The following COG4 variants were observed in gnomAD, a reference collection of about 807,000 sequenced individuals.
COG4 encodes the protein conserved oligomeric Golgi complex subunit 4.
Under a neutral mutation model 95.1 loss-of-function variants are expected in COG4, and 65 were observed. The ratio of observed to expected loss-of-function variants is 0.68; its 90% confidence interval spans 0.56 to 0.84. The LOEUF is 0.84. COG4 is among the 40% of genes least tolerant of loss of function. COG4 has a pLI of 0.00. For missense variants in COG4, 1,045 were observed against 989.1 expected, an observed-to-expected ratio of 1.06 and a Z score of -0.76; for synonymous variants, 421 against 374.8, an observed-to-expected ratio of 1.12 and a Z score of -1.42.
intron 9 of COG4, 145 bp from the exon 10 acceptor site, chr16:70,498,200 T>A: frequency 1.5e-6 from 1 of 652,734 alleles, no homozygotes; most frequent in Non-Finnish European, 2.8e-6. Context: ...CAGATAGCAA[T>A]TTTGAATTCT....
chr16:70,509,776 A>T, intron 6 of COG4, 140 bp downstream of exon 6: 1 of 723,650 alleles, frequency 1.4e-6, no homozygotes, highest in Non-Finnish European at 2.4e-6. Flanking sequence ...TCTGGAAGTT[A>T]TTTAATTCTC....
In COG4 at chr16:70,514,336, C is replaced by T. The variant is rs764006022; in HGVS notation, c.543G>A (p.Glu181=). The part of the protein sequence containing the change: ...SVIELSRQGK[E]GSMIDANLKL... The stretch of plus-strand genomic sequence containing the variant: ...AAACCAACAGTTTCGGATGCTGACC[C>T]TCTTTGCCCTGTCGGCTGAGCTCAA... The change falls in exon 4 of 19, where the codon GAG becomes GAA. Residue 181 remains glutamate (E), a splice_region_variant and synonymous_variant. Coordinates refer to ENST00000323786, the MANE Select transcript of COG4 (RefSeq NM_015386.3). 6.2e-6 allele frequency: 10 copies of T among 1,614,050 alleles called. No individual in the cohort carries two copies. Among genetic ancestry groups the T allele is most frequent in the Admixed American group, 3.3e-5 (2 of 60,004 alleles).
chr16:70,486,909 C>T (rs1280496939), intron 13 of COG4, among the ~76,000 whole-genome samples: 4 of 151,862 alleles, frequency 2.6e-5, no homozygotes, highest in East Asian at 1.9e-4. Flanking sequence ...GCAGGAGAAT[C>T]GCTTGAATCC....
intron 10 of COG4, 23 bp downstream of exon 10, chr16:70,497,914 A>T: frequency 7.2e-7 from 1 of 1,391,184 alleles, no homozygotes; most frequent in Non-Finnish European, 1.0e-6. Context: ...CCCCATTTCC[A>T]AGAGATGCGT....
intron 16 of COG4, 97 bp from the exon 17 acceptor site, chr16:70,481,962 G>A (rs1277785696): frequency 7.4e-7 from 1 of 1,356,718 alleles, no homozygotes; most frequent in Non-Finnish European, 1.0e-6. Flanking sequence ...GAGGCCACGG[G>A]GGAGTTTCTA....
intron 13 of COG4, among the ~76,000 whole-genome samples, chr16:70,485,897 C>CTT (rs5817701): frequency 2.1e-4 from 30 of 143,208 alleles, no homozygotes; most frequent in South Asian, 4.4e-4. Flanking sequence ...GAATGCCTGT[C>CTT]TTTTTTTTTT....
intron 1 of COG4, among the ~76,000 whole-genome samples, chr16:70,521,441 C>T (rs931997191): frequency 3.3e-5 from 5 of 152,026 alleles, no homozygotes; most frequent in African/African-American, 1.2e-4. Context: ...AGGTTGGTCT[C>T]GAACTCCTGA....
intron 13 of COG4, among the ~76,000 whole-genome samples, chr16:70,485,479 C>A (rs1194774275): frequency 6.6e-6 from 1 of 151,490 alleles, no homozygotes; most frequent in East Asian, 1.9e-4. Context: ...GCTGGATTTA[C>A]AGGTGTGAGC....
At chr16:70,481,254 A>G (rs2048985119) in intron 18 of COG4, 105 bp downstream of exon 18, 5 of 1,607,436 alleles carry the variant, frequency 3.1e-6, no homozygotes, top group African/African-American at 2.7e-5. Flanking sequence ...AAGGTGTCCT[A>G]TAGAGCTGGC....
At chr16:70,506,628 A>AAAAAAAAT (rs2049582396) in intron 8 of COG4, among the ~76,000 whole-genome samples, 2 of 135,700 alleles carry the variant, frequency 1.5e-5, no homozygotes, top group Non-Finnish European at 3.1e-5. Context: ...CAAAAAAAAA[A>AAAAAAAAT]ACATTTAGCT....
Position 70,517,619 on chromosome 16 carries a change from G to GTT in COG4, c.369+6_369+7insAA. 1.3e-6 allele frequency: 1 copy of GTT among 741,250 alleles called. No individual in the cohort carries two copies. The highest frequency in any genetic ancestry group is 2.3e-6 in the Non-Finnish European group (1 of 428,674). The allele number at this position is 741,250 out of a possible 1,614,324, so 45.9% of individuals were successfully genotyped here. ...AAAAAAAAAAAAAAAAAAGCTTGAT[G>GTT]TATTACCTTGGCCAGGTCAAGCTGA... On this transcript the variant is annotated splice_region_variant and intron_variant, in intron 3 of 18. Transcript: ENST00000323786.
Position 70,480,997 on chromosome 16 carries a change from C to G in COG4, c.*13G>C. The G allele has an allele frequency of 6.2e-7, 1 of 1,611,570 alleles. No homozygotes were observed. The highest frequency in any genetic ancestry group is 8.5e-7 in the Non-Finnish European group (1 of 1,179,984). ...CTGCAAGTGTGATGAGCCAGGTGTG[C>G]TCATCCAGGCAGCTACAGGCGCAGC... On this transcript the variant is annotated 3_prime_UTR_variant, in exon 19 of 19. Transcript: ENST00000323786.
At chr16:70,511,371 A>C (rs16970253) in intron 5 of COG4, among the ~76,000 whole-genome samples, 18,224 of 152,042 alleles carry the variant, frequency 0.12, 3,630 homozygotes, top group African/African-American at 0.41. Context: ...CATTTTTCTT[A>C]ACGGCATAAT....
intron 11 of COG4, among the ~76,000 whole-genome samples, chr16:70,496,642 G>A (rs1286109551): frequency 2.0e-5 from 3 of 152,132 alleles, no homozygotes; most frequent in Admixed American, 6.6e-5. Flanking sequence ...GAACATACAG[G>A]GGAGACTGGC....
At chr16:70,507,042 C>T in intron 8 of COG4, among the ~76,000 whole-genome samples, 1 of 151,978 alleles carries the variant, frequency 6.6e-6, no homozygotes, top group East Asian at 1.9e-4. Flanking sequence ...CATGGCAAAA[C>T]CTCGTCTCTA....
chr16:70,491,866 G>T (rs2049252404), intron 12 of COG4, among the ~76,000 whole-genome samples: 2 of 151,244 alleles, frequency 1.3e-5, no homozygotes, highest in Non-Finnish European at 2.9e-5. Context: ...ATTCACGAAG[G>T]TCTGACAGCA....
At chr16:70,508,301 A>T (rs776477237) in intron 8 of COG4, 105 bp downstream of exon 8, 1 of 945,890 alleles carries the variant, frequency 1.1e-6, no homozygotes, top group Admixed American at 1.8e-5. Context: ...TAATTGATAA[A>T]ATATTTTAAA....
intron 12 of COG4, among the ~76,000 whole-genome samples, chr16:70,490,950 C>A (rs1008294295): frequency 1.3e-5 from 2 of 151,736 alleles, no homozygotes; most frequent in African/African-American, 2.4e-5. Context: ...TGAGCCACTG[C>A]GCCCGGCGAG....
chr16:70,502,959 C>T (rs991113277), intron 8 of COG4, among the ~76,000 whole-genome samples: 1 of 152,182 alleles, frequency 6.6e-6, no homozygotes, highest in African/African-American at 2.4e-5. Flanking sequence ...CAACTGAGAT[C>T]CACATGAAAA....
Sources: allele counts gnomAD v4.1 joint callset (sites outside exome capture counted in the v4.1 genomes callset), GRCh38; gene constraint gnomAD v4.1.1; transcripts MANE v1.5; gene names NCBI Gene and HGNC (gene_info 2026-07-23, HGNC 2026-07-21).